Variants in TNFSF10 observed in about 807,000 individuals in gnomAD.
TNFSF10 encodes TNF superfamily member 10.
Under a neutral mutation model 29.5 loss-of-function variants are expected in TNFSF10, and 13 were observed. The ratio of observed to expected loss-of-function variants is 0.44; its 90% CI spans 0.29 to 0.70. The LOEUF (loss-of-function observed/expected upper bound fraction) is 0.70, where lower values mean the gene tolerates loss of function less well. Ranked by LOEUF, TNFSF10 falls within the 30% of genes least tolerant of loss-of-function variation. The pLI is 0.13. For synonymous variants in TNFSF10, 111 were observed against 112.8 expected, an observed-to-expected ratio of 0.98 and a Z score of 0.10; for missense variants, 345 against 330.9, an observed-to-expected ratio of 1.04 and a Z score of -0.33.
chr3:172,511,407 T>A, intron 3 of TNFSF10: 1 of 424,620 alleles, frequency 2.4e-6, no homozygotes, highest in Non-Finnish European at 4.2e-6. Flanking sequence ...AATAAAGTTC[T>A]GACCATAGAT....
Position 172,506,783 on chromosome 3 carries a change from A to G in TNFSF10, c.555T>C (p.Tyr185=). Residue 185 remains tyrosine (Y), a synonymous_variant, in exon 5 of 5, where the codon TAT becomes TAC. Transcript: ENST00000241261. Reference sequence around the variant, plus strand: ...CCTGAAATCGAAAGTATGTTTGGGAATAGATGTAGTAAAACCCTTTTTCAT... The same window carrying G: ...CCTGAAATCGAAAGTATGTTTGGGAGTAGATGTAGTAAAACCCTTTTTCAT... The part of the protein sequence containing the change: ...VIHEKGFYYI[Y]SQTYFRFQEE... 3 of 1,614,160 alleles carry G rather than the reference A, an allele frequency of 1.9e-6. No homozygotes were observed. Among genetic ancestry groups the G allele is most frequent in the Non-Finnish European group, 2.5e-6 (3 of 1,180,030 alleles).
intron 2 of TNFSF10, 124 bp from the exon 3 acceptor site, chr3:172,511,783 GT>G: frequency 1.4e-6 from 1 of 703,048 alleles, no homozygotes; most frequent in Non-Finnish European, 2.3e-6. Context: ...AATCTGGGAA[GT>G]TTTAAGTTGG....
In TNFSF10 at chr3:172,523,360, C is replaced by A; in HGVS notation, c.25G>T (p.Gly9Ter). 1 of 1,613,870 alleles carries A rather than the reference C, an allele frequency of 6.2e-7. No individual in the cohort carries two copies. Among genetic ancestry groups the A allele is most frequent in the Non-Finnish European group, 8.5e-7 (1 of 1,179,800 alleles). ...ACGCAGGTCTGTCCCAGGCTGGGTC[C>A]CCCCTGGACCTCCATCATAGCCATG... Reference protein sequence around the residue: MAMMEVQGGPSLGQTCVLI... With the variant: MAMMEVQG The change falls in exon 1 of 5, where the codon GGA becomes TGA. Residue 9 changes from glycine to a stop codon, truncating the protein, a stop_gained. Transcript: ENST00000241261. LOFTEE classifies it high-confidence loss of function.
At chr3:172,514,812 T>A in intron 2 of TNFSF10, 49 bp downstream of exon 2, 1 of 1,605,812 alleles carries the variant, frequency 6.2e-7, no homozygotes, top group South Asian at 1.1e-5. Context: ...TAAGGAATTC[T>A]TCTGGCCTTC....
Position 172,514,947 on chromosome 3 carries a change from C to T in TNFSF10, c.184G>A (p.Asp62Asn). The T allele has an allele frequency of 6.2e-7, 1 of 1,614,144 alleles. No homozygotes were observed. The change falls in exon 2 of 5, where the codon GAC becomes AAC. Residue 62 changes from aspartate to asparagine, a missense_variant. By Grantham distance (23) the Asp-to-Asn change is conservative. Transcript: ENST00000241261. ...SGIACFLKED[D>N]SYWDPNDEES... ...TCGTCATTGGGGTCCCAATAACTGT[C>T]ATCTTCTTTTAAGAAACAAGCAATG...
chr3:172,512,220 G>GAATGTGGCTGA (rs1476601094), intron 2 of TNFSF10, among the ~76,000 whole-genome samples: 1 of 152,152 alleles, frequency 6.6e-6, no homozygotes, highest in Non-Finnish European at 1.5e-5. Context: ...TCACTTCTGA[G>GAATGTGGCTGA]AATGTGGCTG....
chr3:172,512,965 C>T (rs556788233), intron 2 of TNFSF10, among the ~76,000 whole-genome samples: 35 of 152,142 alleles, frequency 2.3e-4, no homozygotes, highest in Middle Eastern at 6.8e-3. Context: ...TCAGAGCTGT[C>T]GTGAGGATTA....
At chr3:172,510,051 C>CT (rs1394246262) in intron 3 of TNFSF10, among the ~76,000 whole-genome samples, 6 of 151,372 alleles carry the variant, frequency 4.0e-5, no homozygotes, top group African/African-American at 4.9e-5. Context: ...CCCAAGTGTG[C>CT]TTACATTGGT....
At chr3:172,518,054 G>T in intron 1 of TNFSF10, 4 of 996,204 alleles carry the variant, frequency 4.0e-6, no homozygotes, top group Non-Finnish European at 4.8e-6. Context: ...TTCCAAGAAT[G>T]ATAATTAATA....
intron 3 of TNFSF10, among the ~76,000 whole-genome samples, chr3:172,510,785 G>C (rs1288417941): frequency 6.6e-6 from 1 of 151,876 alleles, no homozygotes; most frequent in South Asian, 2.1e-4. Context: ...TAGACCCCAG[G>C]AACAGGTCCT....
chr3:172,522,828 T>C (rs1200753728), intron 1 of TNFSF10, among the ~76,000 whole-genome samples: 1 of 152,254 alleles, frequency 6.6e-6, no homozygotes, highest in Non-Finnish European at 1.5e-5. Context: ...TTTTGTATGC[T>C]GAAAATGGGC....
Position 172,514,863 on chromosome 3 carries a change from T to G in TNFSF10, c.268A>C (p.Lys90Gln). 6.2e-7 allele frequency: 1 copy of G among 1,614,202 alleles called. No homozygotes were observed. The highest frequency in any genetic ancestry group is 1.1e-5 in the South Asian group (1 of 91,082). ...VKWQLRQLVRKMILRTSEETI... is the reference protein window; with the variant it reads ...VKWQLRQLVRQMILRTSEETI... ...GGTCACCTGGTGAGGTTACCTACCT[T>G]TCTAACGAGCTGACGGAGTTGCCAC... The change falls in exon 2 of 5, where the codon AAG becomes CAG. Residue 90 changes from lysine to glutamine, a missense_variant and splice_region_variant. Transcript: ENST00000241261.
intron 4 of TNFSF10, among the ~76,000 whole-genome samples, chr3:172,508,068 T>C (rs1713062569): frequency 6.6e-6 from 1 of 151,840 alleles, no homozygotes; most frequent in African/African-American, 2.4e-5. Context: ...AGAGGCCTGG[T>C]GTGGTGGCTC....
At chr3:172,515,805 C>T (rs1266422416) in intron 1 of TNFSF10, among the ~76,000 whole-genome samples, 2 of 152,090 alleles carry the variant, frequency 1.3e-5, no homozygotes, top group African/African-American at 4.8e-5. Context: ...CCACCCAGAA[C>T]TCTTTAGGCT....
At chr3:172,516,078 C>T (rs1713421289) in intron 1 of TNFSF10, among the ~76,000 whole-genome samples, 1 of 151,982 alleles carries the variant, frequency 6.6e-6, no homozygotes. Flanking sequence ...CTGGCTAACC[C>T]AGTGAAACCC....
At chr3:172,521,954 A>G (rs918247281) in intron 1 of TNFSF10, among the ~76,000 whole-genome samples, 5 of 152,222 alleles carry the variant, frequency 3.3e-5, no homozygotes, top group African/African-American at 1.2e-4. Context: ...ACAGAAAACC[A>G]AACACTGCAT....
Position 172,514,862 on chromosome 3 carries a change from T to C in TNFSF10, c.269A>G (p.Lys90Arg). Residue 90 changes from lysine to arginine, a missense_variant and splice_region_variant, in exon 2 of 5, where the codon AAG becomes AGG. Transcript: ENST00000241261. ...VKWQLRQLVR[K>R]MILRTSEETI... ...AGGTCACCTGGTGAGGTTACCTACC[T>C]TTCTAACGAGCTGACGGAGTTGCCA... 6.2e-7 allele frequency: 1 copy of C among 1,614,164 alleles called. No homozygotes were observed. Among genetic ancestry groups the C allele is most frequent in the Non-Finnish European group, 8.5e-7 (1 of 1,180,008 alleles).
In TNFSF10 at chr3:172,506,512, C is replaced by CA; in HGVS notation, c.825dup (p.Gly276TrpfsTer26). The stretch of plus-strand genomic sequence containing the variant: ...GTCAGTTAGCCAACTAAAAAGGCCC[C>CA]AAAAAAACTGGCTTCATGGTCCATG... On this transcript the variant is annotated frameshift_variant, in exon 5 of 5. Coordinates refer to ENST00000241261, the MANE Select transcript of TNFSF10 (RefSeq NM_003810.4). LOFTEE classifies it high-confidence loss of function. 1 of 1,604,856 alleles carries CA rather than the reference C, an allele frequency of 6.2e-7. No homozygotes were observed. Among genetic ancestry groups the CA allele is most frequent in the Non-Finnish European group, 8.5e-7 (1 of 1,177,172 alleles).
chr3:172,506,450 G>T lies in TNFSF10; in HGVS notation c.*42C>A. 6.5e-7 allele frequency: 1 copy of T among 1,541,314 alleles called. No individual in the cohort carries two copies. Among genetic ancestry groups the T allele is most frequent in the Non-Finnish European group, 8.7e-7 (1 of 1,148,310 alleles). On this transcript the variant is annotated 3_prime_UTR_variant, in exon 5 of 5. Transcript: ENST00000241261. ...TTCATAGTGTATCATCCTGAAAACT[G>T]AATAGTCACTTTGAGGTTATTGCTT...
Sources: allele counts gnomAD v4.1 joint callset (sites outside exome capture counted in the v4.1 genomes callset), GRCh38; gene constraint gnomAD v4.1.1; transcripts MANE v1.5; gene names NCBI Gene and HGNC (gene_info 2026-07-23, HGNC 2026-07-21).